APOLD1: variants seen among roughly 807,000 people sequenced by gnomAD.
APOLD1 encodes the protein apolipoprotein L domain-containing protein 1.
APOLD1 carries 22 observed loss-of-function variants against 15.3 expected under a neutral mutation model. The observed-to-expected ratio is 1.44, with a 90% confidence interval of 1.03 to 2.05. APOLD1 has a LOEUF of 2.05. Ranked by LOEUF, APOLD1 falls within the 30% of genes most tolerant of loss-of-function variation. The pLI is 0.00. For missense variants in APOLD1, 394 were observed against 353.5 expected (o/e 1.11, Z -0.92); for synonymous variants, 190 against 167.4 (o/e 1.13, Z -1.04).
intron 1 of APOLD1, among the ~76,000 whole-genome samples, chr12:12,769,594 C>T (rs1185179644): frequency 1.3e-5 from 2 of 152,144 alleles, no homozygotes; most frequent in Non-Finnish European, 2.9e-5. Flanking sequence ...ATGCTTCCAA[C>T]AAGGGGAGAG....
intron 1 of APOLD1, among the ~76,000 whole-genome samples, chr12:12,744,855 T>C (rs1033553384): frequency 6.6e-6 from 1 of 152,170 alleles, no homozygotes; most frequent in African/African-American, 2.4e-5. Context: ...AGAGTGTCTG[T>C]CTGCCCGACT....
chr12:12,783,073 G>T (rs1183981393), upstream of APOLD1, among the ~76,000 whole-genome samples: 1 of 151,918 alleles, frequency 6.6e-6, no homozygotes, highest in African/African-American at 2.4e-5. Flanking sequence ...AGGTGTAGTG[G>T]TGCACGCCTG....
intron 1 of APOLD1, among the ~76,000 whole-genome samples, chr12:12,737,225 T>TG (rs1388330425): frequency 6.6e-6 from 1 of 151,376 alleles, no homozygotes; most frequent in Non-Finnish European, 1.5e-5. Flanking sequence ...ACCCAGAGGT[T>TG]TTTTTTTTAA....
At chr12:12,738,751 G>T (rs1329781868) in intron 1 of APOLD1, among the ~76,000 whole-genome samples, 1 of 152,128 alleles carries the variant, frequency 6.6e-6, no homozygotes, top group African/African-American at 2.4e-5. Flanking sequence ...AAAGAAGTTT[G>T]ACATCTGCCT....
At chr12:12,786,618 A>G (rs1376522150) in intron 1 of APOLD1, 1 of 978,570 alleles carries the variant, frequency 1.0e-6, no homozygotes, top group Non-Finnish European at 1.2e-6. Context: ...TTTAACACAT[A>G]GCTGATGAAG....
chr12:12,782,448 A>G (rs1424256168), upstream of APOLD1, among the ~76,000 whole-genome samples: 2 of 152,148 alleles, frequency 1.3e-5, no homozygotes, highest in African/African-American at 4.8e-5. Context: ...CGTCCTTCCT[A>G]CACTGAATTT....
chr12:12,734,240 T>C (rs1191390324), intron 1 of APOLD1, among the ~76,000 whole-genome samples: 1 of 152,182 alleles, frequency 6.6e-6, no homozygotes, highest in East Asian at 1.9e-4. Flanking sequence ...GGTAACATGA[T>C]CCCAAAACTC....
At chr12:12,766,075 C>T (rs1834000755) in intron 1 of APOLD1, among the ~76,000 whole-genome samples, 1 of 152,090 alleles carries the variant, frequency 6.6e-6, no homozygotes, top group Non-Finnish European at 1.5e-5. Flanking sequence ...CTCTGTTTGC[C>T]TCTCAGGACC....
rs1195977572 is a variant in APOLD1 at position 12,773,294 on chromosome 12, C to T, written c.97-13615C>T. Among the ~76,000 whole-genome samples, 5 of 152,188 alleles carry T rather than the reference C, an allele frequency of 3.3e-5. No individual in the cohort carries two copies. In the East Asian group the frequency reaches 9.6e-4, roughly 29 times the overall value. ...AAGTAGAAGTGGCCAGTTATGGTGT[C>T]TCACACCTGTAATCCCAGCACTTTG... On this transcript the variant is annotated intron_variant, in intron 1 of 1. Coordinates refer to the APOLD1 transcript ENST00000326765.
At chr12:12,773,737 G>T (rs1280415523) in intron 1 of APOLD1, among the ~76,000 whole-genome samples, 7 of 152,152 alleles carry the variant, frequency 4.6e-5, no homozygotes, top group African/African-American at 1.7e-4. Context: ...ATTGGTGAAA[G>T]ACTAGAAAAA....
intron 1 of APOLD1, among the ~76,000 whole-genome samples, chr12:12,732,804 TAATC>T (rs1946651112): frequency 6.7e-6 from 1 of 149,366 alleles, no homozygotes; most frequent in Non-Finnish European, 1.5e-5. Context: ...TTTTGAGAAA[TAATC>T]AGACGTATGA....
intron 1 of APOLD1, among the ~76,000 whole-genome samples, chr12:12,772,431 A>G (rs1335039722): frequency 6.6e-6 from 1 of 152,270 alleles, no homozygotes; most frequent in African/African-American, 2.4e-5. Context: ...CCAAGAAGAC[A>G]TAACAATCCT....
chr12:12,740,759 G>A (rs572937642), intron 1 of APOLD1, among the ~76,000 whole-genome samples: 2 of 152,158 alleles, frequency 1.3e-5, no homozygotes, highest in East Asian at 3.9e-4. Flanking sequence ...ATTCTTACTA[G>A]GTTTTGCCTC....
At position 12,764,658 on chromosome 12, in the gene APOLD1, G is replaced by A. The variant is rs376973992; in HGVS notation, c.97-22251G>A. 1.4e-4 allele frequency: 67 copies of A among 484,924 alleles called. 1 individual carries two copies. The East Asian group carries it at 1.4e-3, about 10-fold the overall frequency. The allele number at this position is 484,924 out of a possible 1,614,324, so 30.0% of individuals were successfully genotyped here. A position where few individuals can be genotyped will look rare whatever the true frequency, so the allele number is the denominator to read the frequency against. ...TATTGGTTGATTTCTCGGTGAGTGC[G>A]TTTCCAAGTGTGAAGGGACCCTTCC... On this transcript the variant is annotated intron_variant, in intron 1 of 1. Transcript: ENST00000326765.
chr12:12,764,711 G>C (rs750266716), intron 1 of APOLD1: 1 of 505,678 alleles, frequency 2.0e-6, no homozygotes, highest in South Asian at 1.5e-5. Flanking sequence ...AATACAGTAG[G>C]AATGTTCCTT....
chr12:12,753,433 A>G (rs979531666), intron 1 of APOLD1, among the ~76,000 whole-genome samples: 1 of 152,222 alleles, frequency 6.6e-6, no homozygotes, highest in Non-Finnish European at 1.5e-5. Context: ...TGGGAGGCCA[A>G]GGAAGGATAG....
chr12:12,730,595 C>T (rs1363343272), intron 1 of APOLD1, among the ~76,000 whole-genome samples: 2 of 144,982 alleles, frequency 1.4e-5, no homozygotes, highest in East Asian at 2.1e-4. Context: ...GCAGGAGAAT[C>T]GCTTGAACCT....
intron 1 of APOLD1, among the ~76,000 whole-genome samples, chr12:12,749,077 T>G (rs4763870): frequency 0.28 from 43,025 of 151,854 alleles, 6,373 homozygotes; most frequent in Middle Eastern, 0.38. Flanking sequence ...GGGTCTGTAC[T>G]CTTGGCATTG....
chr12:12,786,044 C>T (rs1258329402), intron 1 of APOLD1, among the ~76,000 whole-genome samples: 2 of 152,240 alleles, frequency 1.3e-5, no homozygotes, highest in African/African-American at 2.4e-5. Context: ...ATATACTTTT[C>T]CCCCAAGATG....
Sources: gnomAD v4.1 joint callset for allele counts (sites outside exome capture counted in the v4.1 genomes callset) on GRCh38, gnomAD v4.1.1 for gene constraint, MANE v1.5 for transcripts, NCBI Gene and HGNC (gene_info 2026-07-23, HGNC 2026-07-21) for gene names.